Variants in FBN1 observed in about 807,000 individuals in gnomAD.
The protein encoded by FBN1 is fibrillin 1, also known as fibrillin-1.
FBN1 carries 29 observed loss-of-function variants against 365.1 expected under a neutral mutation model. The ratio of observed to expected loss-of-function variants is 0.08; its 90% confidence interval spans 0.06 to 0.11. The LOEUF is 0.11. Among genes scored for constraint, FBN1 ranks in the 10% least tolerant of loss-of-function variants. The probability of loss-of-function intolerance (pLI) is 1.00; values close to 1 mark genes in which losing one functional copy is unlikely to be tolerated. For missense variants in FBN1, 2,476 were observed against 3,703.2 expected, an observed-to-expected ratio of 0.67 and a Z score of 8.60; for synonymous variants, 1,210 against 1,270.5, an observed-to-expected ratio of 0.95 and a Z score of 1.01.
chr15:48,474,129 G>C, intron 34 of FBN1, 126 bp downstream of exon 34: 1 of 1,435,972 alleles, frequency 7.0e-7, no homozygotes, highest in South Asian at 1.2e-5. Flanking sequence ...CAGAGCTCTA[G>C]TGCCAAATGA....
chr15:48,522,251 A>G (rs1483390921), intron 9 of FBN1, among the ~76,000 whole-genome samples: 1 of 152,140 alleles, frequency 6.6e-6, no homozygotes, highest in Non-Finnish European at 1.5e-5. Context: ...TTACAATTTA[A>G]TATGTAATAT....
At chr15:48,558,902 C>A (rs994300003) in intron 6 of FBN1, among the ~76,000 whole-genome samples, 2 of 152,226 alleles carry the variant, frequency 1.3e-5, no homozygotes, top group Non-Finnish European at 2.9e-5. Flanking sequence ...AGATCTGCAT[C>A]TGCATCCCTG....
intron 38 of FBN1, 131 bp downstream of exon 38, chr15:48,467,807 G>GGTCCCC (rs1463984788): frequency 3.9e-5 from 33 of 844,116 alleles, no homozygotes; most frequent in Admixed American, 9.4e-5. Flanking sequence ...TTGGGAATAA[G>GGTCCCC]GTCCCCTCTA....
intron 2 of FBN1, among the ~76,000 whole-genome samples, chr15:48,613,529 T>C (rs1365339826): frequency 6.6e-6 from 1 of 152,196 alleles, no homozygotes; most frequent in African/African-American, 2.4e-5. Flanking sequence ...ATCTCACCTC[T>C]ATAATTTTAC....
chr15:48,602,164 C>A (rs1162724500), intron 4 of FBN1, among the ~76,000 whole-genome samples: 1 of 152,146 alleles, frequency 6.6e-6, no homozygotes, highest in African/African-American at 2.4e-5. Context: ...AGTTCTCCCC[C>A]AAACCTGAAA....
chr15:48,581,558 T>C (rs1182623888), intron 6 of FBN1, among the ~76,000 whole-genome samples: 1 of 152,144 alleles, frequency 6.6e-6, no homozygotes, highest in Non-Finnish European at 1.5e-5. Context: ...CCACATAATA[T>C]CCACTTACAA....
At chr15:48,581,288 C>T (rs565096874) in intron 6 of FBN1, among the ~76,000 whole-genome samples, 3 of 152,228 alleles carry the variant, frequency 2.0e-5, no homozygotes, top group South Asian at 2.1e-4. Context: ...TCTCCTGATA[C>T]GTGCAGCAAG....
chr15:48,410,762 A>G lies in FBN1; in HGVS notation c.*228T>C, dbSNP rs1428552500. On this transcript the variant is annotated 3_prime_UTR_variant, in exon 66 of 66. Coordinates refer to ENST00000316623, the MANE Select transcript of FBN1 (RefSeq NM_000138.5). ...TCCCAGTTTTCAAGAATCAACACAT[A>G]TGACAAGGTAGCTTAGCTACACACA... 4 of 523,146 alleles carry G rather than the reference A, an allele frequency of 7.6e-6. No individual in the cohort carries two copies. The Admixed American group carries it at 1.5e-4, about 19-fold the overall frequency. 32.4% of individuals were successfully genotyped at this position (523,146 alleles called of 1,614,324 possible).
intron 6 of FBN1, among the ~76,000 whole-genome samples, chr15:48,580,579 G>A (rs1371579454): frequency 6.6e-6 from 1 of 152,108 alleles, no homozygotes; most frequent in Non-Finnish European, 1.5e-5. Flanking sequence ...GCACCCACAG[G>A]AAGGCATGGG....
At chr15:48,488,586 A>T in intron 25 of FBN1, 93 bp from the exon 26 acceptor site, 2 of 1,463,012 alleles carry the variant, frequency 1.4e-6, no homozygotes. Context: ...GAAGGTTGGA[A>T]GTTCTTGATT....
intron 8 of FBN1, among the ~76,000 whole-genome samples, chr15:48,532,470 G>A (rs1298481962): frequency 6.7e-6 from 1 of 149,686 alleles, no homozygotes; most frequent in African/African-American, 2.5e-5. Flanking sequence ...ATATGTGTGT[G>A]TGTATATGTG....
At chr15:48,491,546 T>C (rs568959594) in intron 24 of FBN1, among the ~76,000 whole-genome samples, 1 of 151,984 alleles carries the variant, frequency 6.6e-6, no homozygotes, top group Admixed American at 6.5e-5. Context: ...AGAAACGGGG[T>C]TTCACCATGT....
intron 6 of FBN1, among the ~76,000 whole-genome samples, chr15:48,552,948 G>A (rs184080331): frequency 9.2e-5 from 14 of 152,038 alleles, no homozygotes; most frequent in Admixed American, 4.6e-4. Flanking sequence ...TTTCTTCCTC[G>A]AAACCTAGTA....
chr15:48,603,346 T>A (rs2044581393), intron 4 of FBN1, among the ~76,000 whole-genome samples: 1 of 146,482 alleles, frequency 6.8e-6, no homozygotes, highest in Non-Finnish European at 1.5e-5. Context: ...TCACTTGCTT[T>A]GCCACCGTGT....
intron 34 of FBN1, among the ~76,000 whole-genome samples, chr15:48,473,287 T>C (rs2043392753): frequency 6.6e-6 from 1 of 152,232 alleles, no homozygotes; most frequent in Admixed American, 6.5e-5. Context: ...AATCACTTAA[T>C]GAGCCTTAGC....
At chr15:48,479,795 G>C (rs1388253193) in intron 32 of FBN1, among the ~76,000 whole-genome samples, 2 of 152,148 alleles carry the variant, frequency 1.3e-5, no homozygotes, top group Non-Finnish European at 2.9e-5. Flanking sequence ...TCAATATAAA[G>C]AGTAAGATTT....
chr15:48,619,202 C>G (rs531157839), intron 2 of FBN1, among the ~76,000 whole-genome samples: 1 of 152,130 alleles, frequency 6.6e-6, no homozygotes, highest in South Asian at 2.1e-4. Flanking sequence ...TGAGTTGACA[C>G]TGCTTGGGAC....
intron 2 of FBN1, among the ~76,000 whole-genome samples, chr15:48,628,387 T>C (rs564595595): frequency 4.6e-5 from 7 of 152,132 alleles, no homozygotes; most frequent in Non-Finnish European, 1.0e-4. Flanking sequence ...TCTCTGCAGA[T>C]ATCTTCTTTA....
chr15:48,438,753 T>A (rs545112142), intron 50 of FBN1, among the ~76,000 whole-genome samples: 1 of 152,326 alleles, frequency 6.6e-6, no homozygotes, highest in South Asian at 2.1e-4. Context: ...CTACTTCCTA[T>A]AAAATTCTCC....
Sources: gnomAD v4.1 joint callset for allele counts (sites outside exome capture counted in the v4.1 genomes callset) on GRCh38, gnomAD v4.1.1 for gene constraint, MANE v1.5 for transcripts, NCBI Gene and HGNC (gene_info 2026-07-23, HGNC 2026-07-21) for gene names.